The following DENND2C variants were observed in gnomAD, a reference collection of about 807,000 sequenced individuals.
DENND2C encodes DENN domain-containing protein 2C.
Under a neutral mutation model 112.4 loss-of-function variants are expected in DENND2C, and 72 were observed. The observed-to-expected ratio is 0.64, with a 90% CI of 0.53 to 0.78. The LOEUF (loss-of-function observed/expected upper bound fraction) is 0.78. Among genes scored for constraint, DENND2C ranks in the 30% least tolerant of loss-of-function variants. The pLI, the probability that DENND2C is intolerant of heterozygous loss-of-function variation, is 0.00. For missense variants in DENND2C, 992 were observed against 1,113.8 expected, an observed-to-expected ratio of 0.89 and a Z score of 1.56; for synonymous variants, 329 against 381.6, an observed-to-expected ratio of 0.86 and a Z score of 1.61.
chr1:114,669,165 A>C (rs1657721844), intron 1 of DENND2C, among the ~76,000 whole-genome samples: 1 of 152,232 alleles, frequency 6.6e-6, no homozygotes, highest in South Asian at 2.1e-4. Flanking sequence ...TAAAGTGCCT[A>C]CTATGTACCA....
chr1:114,653,794 T>A (rs751515720), intron 2 of DENND2C, among the ~76,000 whole-genome samples: 12 of 152,172 alleles, frequency 7.9e-5, no homozygotes, highest in Admixed American at 2.0e-4. Flanking sequence ...GAGATATCAC[T>A]TCCAATAATT....
chr1:114,648,907 GTTA>G (rs1253671470), intron 2 of DENND2C, among the ~76,000 whole-genome samples: 2 of 151,702 alleles, frequency 1.3e-5, no homozygotes, highest in African/African-American at 4.8e-5. Context: ...TTAATGCAAT[GTTA>G]TTAACTGTCC....
chr1:114,642,303 C>T (rs1298322011), intron 3 of DENND2C, among the ~76,000 whole-genome samples: 1 of 152,108 alleles, frequency 6.6e-6, no homozygotes, highest in Non-Finnish European at 1.5e-5. Flanking sequence ...AAGATAAAGT[C>T]TATACTCCTT....
At chr1:114,603,670 C>A (rs1655582367) in intron 11 of DENND2C, among the ~76,000 whole-genome samples, 1 of 151,816 alleles carries the variant, frequency 6.6e-6, no homozygotes, top group African/African-American at 2.4e-5. Flanking sequence ...CCTCAGCCTC[C>A]CGAGTAGCTA....
At chr1:114,629,072 T>A (rs1656420880) in intron 3 of DENND2C, among the ~76,000 whole-genome samples, 1 of 152,254 alleles carries the variant, frequency 6.6e-6, no homozygotes, top group Non-Finnish European at 1.5e-5. Flanking sequence ...TCAACAATTT[T>A]AAAAATCATT....
chr1:114,618,535 A>G (rs1322904878), intron 7 of DENND2C, 53 bp from the exon 8 acceptor site: 1 of 1,108,290 alleles, frequency 9.0e-7, no homozygotes. Flanking sequence ...AAAGTTTCAC[A>G]GTTTGATGAC....
intron 9 of DENND2C, 92 bp from the exon 10 acceptor site, chr1:114,608,965 C>T: frequency 7.5e-7 from 1 of 1,324,566 alleles, no homozygotes; most frequent in Non-Finnish European, 1.1e-6. Context: ...GATTAATCTT[C>T]ACACAGTCAC....
At chr1:114,589,226 G>A (rs984739802) in intron 18 of DENND2C, among the ~76,000 whole-genome samples, 5 of 151,652 alleles carry the variant, frequency 3.3e-5, no homozygotes, top group Non-Finnish European at 5.9e-5. Flanking sequence ...TTTTCCCCCC[G>A]CCCTCTTCAC....
intron 3 of DENND2C, among the ~76,000 whole-genome samples, chr1:114,631,195 G>A (rs1048582589): frequency 6.6e-6 from 1 of 151,788 alleles, no homozygotes. Context: ...GGCAAACATG[G>A]CGAAACCCCA....
At chr1:114,624,001 G>C (rs1656262362) in intron 4 of DENND2C, among the ~76,000 whole-genome samples, 1 of 152,216 alleles carries the variant, frequency 6.6e-6, no homozygotes. Flanking sequence ...CTCCCAAAGT[G>C]CTAGGATTAC....
Position 114,587,288 on chromosome 1 carries a change from C to T in DENND2C, c.2755+99G>A, listed in dbSNP as rs1387877902. The T allele has an allele frequency of 7.5e-6, 10 of 1,333,376 alleles. No homozygotes were observed. The East Asian group carries it at 2.3e-4, about 31-fold the overall frequency. 82.6% of individuals were successfully genotyped at this position (1,333,376 alleles called of 1,614,324 possible). ...TCTCAAACTCCTGGCCTCAAGCAAA[C>T]CTCCTTACTTGACCTCGCAAAGTGC... On this transcript the variant is annotated intron_variant, in intron 20 of 20. Transcript: ENST00000393274.
At chr1:114,612,684 T>A (rs1415716063) in intron 8 of DENND2C, among the ~76,000 whole-genome samples, 1 of 152,082 alleles carries the variant, frequency 6.6e-6, no homozygotes, top group Admixed American at 6.5e-5. Context: ...CACACTGGGC[T>A]AATTTTTATA....
At chr1:114,628,931 G>T (rs565987089) in intron 3 of DENND2C, among the ~76,000 whole-genome samples, 5 of 152,208 alleles carry the variant, frequency 3.3e-5, no homozygotes, top group Admixed American at 3.3e-4. Context: ...TCAAATCCTA[G>T]ATCTCTCCCA....
intron 1 of DENND2C, among the ~76,000 whole-genome samples, chr1:114,665,970 C>T (rs1433759583): frequency 6.6e-6 from 1 of 152,174 alleles, no homozygotes; most frequent in Non-Finnish European, 1.5e-5. Context: ...CTCTCGACAT[C>T]TCCACTTGAA....
At chr1:114,627,112 A>G (rs554806884) in intron 3 of DENND2C, among the ~76,000 whole-genome samples, 1 of 152,292 alleles carries the variant, frequency 6.6e-6, no homozygotes, top group Non-Finnish European at 1.5e-5. Flanking sequence ...TGACGACTGG[A>G]CTTCCCACAT....
At chr1:114,667,832 G>A (rs1280220465) in intron 1 of DENND2C, among the ~76,000 whole-genome samples, 2 of 152,050 alleles carry the variant, frequency 1.3e-5, no homozygotes, top group African/African-American at 4.8e-5. Context: ...GTCTAATCAT[G>A]GGCAAGTTAC....
intron 10 of DENND2C, among the ~76,000 whole-genome samples, chr1:114,607,734 A>C (rs1052252586): frequency 3.9e-5 from 6 of 152,204 alleles, no homozygotes; most frequent in Non-Finnish European, 5.9e-5. Context: ...AGAGAAACCA[A>C]ATATTATTGT....
chr1:114,623,174 G>GA (rs1400166674), intron 5 of DENND2C, 75 bp from the exon 6 acceptor site: 18 of 1,370,972 alleles, frequency 1.3e-5, no homozygotes, highest in Non-Finnish European at 1.8e-5. Flanking sequence ...GCAAAAGAAA[G>GA]AAAAAGCTAA....
In DENND2C at chr1:114,618,479, C is replaced by T. The variant is rs1249657532; in HGVS notation, c.1231G>A (p.Val411Ile). 6.4e-7 allele frequency: 1 copy of T among 1,556,262 alleles called. No homozygotes were observed. The highest frequency in any genetic ancestry group is 8.7e-7 in the Non-Finnish European group (1 of 1,153,272). The change falls in exon 8 of 21, where the codon GTA becomes ATA. Residue 411 changes from valine (V) to isoleucine (I), a missense_variant. Transcript: ENST00000393274. Reference sequence around the variant, plus strand: ...TCAAATATGTCATCTATTTTCAATACAAGCTGAAAAAAGACCAGAAAAATA... The same window carrying T: ...TCAAATATGTCATCTATTTTCAATATAAGCTGAAAAAAGACCAGAAAAATA... ...NTKRKNLPRL[V>I]LKIDDIFESK... is the part of the protein sequence containing the mutation.
Sources: gnomAD v4.1 joint callset for allele counts (sites outside exome capture counted in the v4.1 genomes callset) on GRCh38, gnomAD v4.1.1 for gene constraint, MANE v1.5 for transcripts, NCBI Gene and HGNC (gene_info 2026-07-23, HGNC 2026-07-21) for gene names.